ARHGAP19: variants seen among roughly 807,000 people sequenced by gnomAD.
The protein encoded by ARHGAP19 is Rho GTPase activating protein 19.
Under a neutral mutation model 60.9 loss-of-function variants are expected in ARHGAP19, and 48 were observed. The observed-to-expected ratio is 0.79, with a 90% CI of 0.62 to 1.00. ARHGAP19 has a LOEUF of 1.00. Among genes scored for constraint, ARHGAP19 ranks in the 50% least tolerant of loss-of-function variants. The probability of loss-of-function intolerance (pLI) is 0.00; values close to 1 mark genes in which losing one functional copy is unlikely to be tolerated. For synonymous variants in ARHGAP19, 209 were observed against 215.5 expected (o/e 0.97, Z 0.27); for missense variants, 562 against 597.2 (o/e 0.94, Z 0.61).
Position 97,265,798 on chromosome 10 carries a change from G to A in ARHGAP19, c.322+62C>T. ...GCAACTCTTCGGTGAATGTGTAGAT[G>A]TTGAGAGAGAAGCCCAGGGAGCAGC... On this transcript the variant is annotated intron_variant, in intron 2 of 11. Coordinates refer to ENST00000358531, the MANE Select transcript of ARHGAP19 (RefSeq NM_032900.6). 2.6e-6 allele frequency: 4 copies of A among 1,564,546 alleles called. No homozygotes were observed. The South Asian group carries it at 3.6e-5, about 14-fold the overall frequency.
At chr10:97,229,615 C>G (rs1850965753) in intron 10 of ARHGAP19, 149 bp downstream of exon 10, 1 of 635,336 alleles carries the variant, frequency 1.6e-6, no homozygotes, top group South Asian at 2.0e-5. Flanking sequence ...TGAAAACCAA[C>G]AGAAAGAAGG....
At chr10:97,274,378 C>A (rs921699681) in intron 1 of ARHGAP19, among the ~76,000 whole-genome samples, 5 of 151,818 alleles carry the variant, frequency 3.3e-5, no homozygotes, top group Non-Finnish European at 7.4e-5. Flanking sequence ...GGCAGAAGAA[C>A]TGCTTGAACC....
intron 8 of ARHGAP19, 101 bp from the exon 9 acceptor site, chr10:97,235,416 CTG>C: frequency 9.4e-7 from 1 of 1,061,676 alleles, no homozygotes; most frequent in East Asian, 2.6e-5. Flanking sequence ...CCAGGAAAAA[CTG>C]AGTCTGCGCA....
In ARHGAP19 at chr10:97,230,354, G is replaced by A. The variant is rs1189265137; in HGVS notation, c.1285-480C>T. On this transcript the variant is annotated intron_variant, in intron 9 of 11. Coordinates refer to ENST00000358531, the MANE Select transcript of ARHGAP19 (RefSeq NM_032900.6). ...TCCTCCCTGTCATTTACTCACACAGGACTGGAACATTTGGAGACATTCTAT... is the reference window on the plus strand; with the variant it reads ...TCCTCCCTGTCATTTACTCACACAGAACTGGAACATTTGGAGACATTCTAT... 2.6e-5 allele frequency among the ~76,000 whole-genome samples: 4 copies of A among 152,102 alleles called. No homozygotes were observed. In the East Asian group the frequency reaches 7.7e-4, roughly 29 times the overall value.
intron 1 of ARHGAP19, among the ~76,000 whole-genome samples, chr10:97,285,153 C>A (rs888866138): frequency 6.6e-6 from 1 of 152,060 alleles, no homozygotes; most frequent in African/African-American, 2.4e-5. Context: ...GCATGAGACA[C>A]TGTGCAAGGC....
rs1843253957 is a variant in ARHGAP19 at position 97,292,623 on chromosome 10, G to T, written c.5C>A (p.Ala2Glu). The change falls in exon 1 of 12, where the codon GCG (alanine) becomes GAG (glutamate). Residue 2 changes from alanine to glutamate, a missense_variant. By Grantham distance (107) the Ala-to-Glu change is moderately radical. Coordinates refer to ENST00000358531, the MANE Select transcript of ARHGAP19 (RefSeq NM_032900.6). ...CTCCCCTTCACTCTGTGCCTCAGTC[G>T]CCATCTTCGTCAGCAAACTTCTTTC... is the stretch of plus-strand genomic sequence containing the variant. M[A>E]TEAQSEGEVP... The T allele has an allele frequency of 6.2e-7, 1 of 1,614,156 alleles. No individual in the cohort carries two copies. The highest frequency in any genetic ancestry group is 2.2e-5 in the East Asian group (1 of 44,892).
Position 97,248,558 on chromosome 10 carries a change from T to C in ARHGAP19, c.928-2221A>G, listed in dbSNP as rs977128683. On this transcript the variant is annotated intron_variant, in intron 6 of 11. Coordinates refer to ENST00000358531, the MANE Select transcript of ARHGAP19 (RefSeq NM_032900.6). ...CTTACAATTGCTTTAAAAAAATGTT[T>C]TAATCTATTTCTTTGCCCTCAAGCA... Among the ~76,000 whole-genome samples the C allele has an allele frequency of 1.2e-4, 18 of 152,284 alleles. 1 individual carries two copies. The highest frequency in any genetic ancestry group is 4.1e-4 in the African/African-American group (17 of 41,562).
At chr10:97,234,541 G>T (rs1564711549) in intron 9 of ARHGAP19, among the ~76,000 whole-genome samples, 1 of 151,834 alleles carries the variant, frequency 6.6e-6, no homozygotes, top group Non-Finnish European at 1.5e-5. Flanking sequence ...CCAAAACCTT[G>T]CCTTAGTTCA....
intron 5 of ARHGAP19, among the ~76,000 whole-genome samples, chr10:97,256,752 T>C (rs1333730910): frequency 2.0e-5 from 3 of 152,188 alleles, no homozygotes; most frequent in Non-Finnish European, 4.4e-5. Context: ...ACTGCCTCTT[T>C]AGAAAACTAG....
At chr10:97,262,597 G>A (rs374165356) in intron 4 of ARHGAP19, among the ~76,000 whole-genome samples, 3 of 152,032 alleles carry the variant, frequency 2.0e-5, no homozygotes, top group East Asian at 3.9e-4. Flanking sequence ...CCCGGGAGGC[G>A]GAGGTTGCAG....
At position 97,253,379 on chromosome 10, in the gene ARHGAP19, C is replaced by CA. The variant is rs551066347; in HGVS notation, c.927+2938dup. Among the ~76,000 whole-genome samples, 304 of 82,256 alleles carry CA rather than the reference C, an allele frequency of 3.7e-3. 3 individuals are homozygous for CA. The highest frequency in any genetic ancestry group is 6.5e-3 in the South Asian group (18 of 2,752). The allele number at this position is 82,256 out of a possible 152,430, so 54.0% of individuals were successfully genotyped here. On this transcript the variant is annotated intron_variant, in intron 6 of 11. Coordinates refer to ENST00000358531, the MANE Select transcript of ARHGAP19 (RefSeq NM_032900.6). The stretch of plus-strand genomic sequence containing the variant: ...GGTAACCAGAGTGAAAACTCTATCT[C>CA]AAAAAAAAAAAAAAAAGTGCATCTC...
rs185560937 is a variant in ARHGAP19 at position 97,271,827 on chromosome 10, G to C, written c.57-5702C>G. Among the ~76,000 whole-genome samples, 18 of 151,642 alleles carry C rather than the reference G, an allele frequency of 1.2e-4. No individual in the cohort carries two copies. The East Asian group carries it at 3.5e-3, about 29-fold the overall frequency. On this transcript the variant is annotated intron_variant, in intron 1 of 11. Coordinates refer to ENST00000358531, the MANE Select transcript of ARHGAP19 (RefSeq NM_032900.6). The stretch of plus-strand genomic sequence containing the variant: ...ATTTACTTATTTAAAATTGTGTATT[G>C]GTGTTTAATTTTATCAAATACTTAT...
intron 2 of ARHGAP19, among the ~76,000 whole-genome samples, 160 bp from the exon 3 acceptor site, chr10:97,265,066 G>A (rs17112614): frequency 0.013 from 1,933 of 152,290 alleles, 45 homozygotes; most frequent in South Asian, 0.093. Context: ...GAAAACGCGA[G>A]CAGGACAACT....
chr10:97,283,292 G>A (rs1389767548), intron 1 of ARHGAP19, among the ~76,000 whole-genome samples: 1 of 152,016 alleles, frequency 6.6e-6, no homozygotes, highest in African/African-American at 2.4e-5. Context: ...AGTGTTCACT[G>A]AAGGTGACCA....
rs1233752034 is a variant in ARHGAP19 at position 97,225,241 on chromosome 10, G to C, written c.*881C>G. ...ACTTTCCTTGAGTCACAGTGATTTG[G>C]TTCAGAAGTATTACGTTGGCACCAG... On this transcript the variant is annotated 3_prime_UTR_variant, in exon 12 of 12. Coordinates refer to ENST00000358531, the MANE Select transcript of ARHGAP19 (RefSeq NM_032900.6). The C allele has an allele frequency of 1.3e-5, 2 of 152,144 alleles. No homozygotes were observed. The highest frequency in any genetic ancestry group is 2.9e-5 in the Non-Finnish European group (2 of 68,038). 9.4% of individuals were successfully genotyped at this position (152,144 alleles called of 1,614,324 possible).
At position 97,243,766 on chromosome 10, in the gene ARHGAP19, C is replaced by T. The variant is rs572823101; in HGVS notation, c.1185+202G>A. Among the ~76,000 whole-genome samples the T allele has an allele frequency of 2.6e-5, 4 of 152,308 alleles. No individual in the cohort carries two copies. In the South Asian group the frequency reaches 8.3e-4, roughly 32 times the overall value. On this transcript the variant is annotated intron_variant, in intron 8 of 11. Coordinates refer to ENST00000358531, the MANE Select transcript of ARHGAP19 (RefSeq NM_032900.6). The stretch of plus-strand genomic sequence containing the variant: ...GACTCTCTAACCACACTTGGATCCT[C>T]CTGCTTAACTAGAAATCAAGAGACT...
At chr10:97,268,647 G>T (rs1416102331) in intron 1 of ARHGAP19, among the ~76,000 whole-genome samples, 2 of 152,086 alleles carry the variant, frequency 1.3e-5, no homozygotes, top group African/African-American at 4.8e-5. Context: ...GTGTGTAGGG[G>T]AACTGCCCTT....
intron 1 of ARHGAP19, among the ~76,000 whole-genome samples, chr10:97,280,327 T>C (rs1843067182): frequency 6.6e-6 from 1 of 151,988 alleles, no homozygotes; most frequent in Non-Finnish European, 1.5e-5. Context: ...GAGAATCACT[T>C]GAACCCGGGA....
intron 4 of ARHGAP19, among the ~76,000 whole-genome samples, 169 bp downstream of exon 4, chr10:97,263,251 C>T (rs1250107055): frequency 6.6e-6 from 1 of 152,186 alleles, no homozygotes; most frequent in Non-Finnish European, 1.5e-5. Flanking sequence ...TAAAATTAAA[C>T]TTAACTAGCC....
Sources: gnomAD v4.1 joint callset for allele counts (sites outside exome capture counted in the v4.1 genomes callset) on GRCh38, gnomAD v4.1.1 for gene constraint, MANE v1.5 for transcripts, NCBI Gene and HGNC (gene_info 2026-07-23, HGNC 2026-07-21) for gene names.